SMAD6: variants seen among roughly 807,000 people sequenced by gnomAD.
SMAD6 encodes the protein SMAD family member 6.
SMAD6 carries 103 observed loss-of-function variants against 39.4 expected under a neutral mutation model. The observed-to-expected ratio is 2.62, with a 90% CI of 2.23 to 3.08. The LOEUF is 3.08. SMAD6 is among the 30% of genes most tolerant of loss of function. The pLI, the probability that SMAD6 is intolerant of heterozygous loss-of-function variation, is 0.00. For missense variants in SMAD6, 1,104 were observed against 742.9 expected (o/e 1.49, Z -5.65); for synonymous variants, 445 against 353.3 (o/e 1.26, Z -2.91).
At chr15:66,759,531 A>G (rs761327959) in intron 3 of SMAD6, among the ~76,000 whole-genome samples, 2 of 152,186 alleles carry the variant, frequency 1.3e-5, no homozygotes, top group African/African-American at 2.4e-5. Context: ...GGTCAGTTCC[A>G]TATCTTTGTG....
chr15:66,777,528 A>G (rs192641941), intron 3 of SMAD6, among the ~76,000 whole-genome samples: 3 of 152,376 alleles, frequency 2.0e-5, no homozygotes, highest in African/African-American at 7.2e-5. Flanking sequence ...TGTACATCGC[A>G]GTCCCAGCTA....
At chr15:66,760,053 A>G (rs905854225) in intron 3 of SMAD6, among the ~76,000 whole-genome samples, 1 of 152,040 alleles carries the variant, frequency 6.6e-6, no homozygotes, top group African/African-American at 2.4e-5. Flanking sequence ...GCCTCTGCCC[A>G]TGCCGTTCCC....
At position 66,703,786 on chromosome 15, in the gene SMAD6, G is replaced by A. The variant is rs1315861259; in HGVS notation, c.528G>A (p.Thr176=). 1.0e-5 allele frequency: 15 copies of A among 1,440,580 alleles called. No individual in the cohort carries two copies. Among genetic ancestry groups the A allele is most frequent in the South Asian group, 2.7e-5 (2 of 73,174 alleles). 89.2% of individuals were successfully genotyped at this position (1,440,580 alleles called of 1,614,324 possible). A position where few individuals can be genotyped will look rare whatever the true frequency, so the allele number is the denominator to read the frequency against. The change falls in exon 1 of 4, where the codon ACG becomes ACA. Residue 176 remains threonine (T), a synonymous_variant. Transcript: ENST00000288840. The part of the protein sequence containing the change: ...LLLEQELKTV[T]YSLLKRLKER... ...TGGAGCAGGAACTCAAAACCGTCAC[G>A]TACTCGCTGCTGAAGCGGCTCAAGG...
intron 3 of SMAD6, among the ~76,000 whole-genome samples, chr15:66,737,287 C>T (rs1445314903): frequency 1.3e-5 from 2 of 152,244 alleles, no homozygotes; most frequent in Admixed American, 6.5e-5. Flanking sequence ...ACCCATCTGG[C>T]TGGCTCCTCC....
intron 3 of SMAD6, among the ~76,000 whole-genome samples, chr15:66,780,378 C>G (rs912439405): frequency 1.3e-5 from 2 of 152,094 alleles, no homozygotes; most frequent in East Asian, 3.9e-4. Context: ...CACCCCCAGC[C>G]CGCCTCCCTG....
intron 1 of SMAD6, chr15:66,707,491 T>A (rs1381637204): frequency 6.6e-6 from 1 of 152,282 alleles, no homozygotes; most frequent in African/African-American, 2.4e-5. Context: ...ATGAGATCAA[T>A]TTCAAGTTGG....
At chr15:66,780,544 C>T (rs376998809) in intron 3 of SMAD6, among the ~76,000 whole-genome samples, 2 of 152,176 alleles carry the variant, frequency 1.3e-5, no homozygotes, top group African/African-American at 2.4e-5. Context: ...GCAGAGTGAT[C>T]GTGAGGACCA....
chr15:66,709,119 T>C (rs1022262549), intron 1 of SMAD6, among the ~76,000 whole-genome samples: 14 of 152,236 alleles, frequency 9.2e-5, no homozygotes, highest in African/African-American at 2.9e-4. Context: ...TTTGACACTC[T>C]AAATCCTTGT....
At position 66,765,718 on chromosome 15, in the gene SMAD6, G is replaced by A. The variant is rs1025914293; in HGVS notation, c.953-15279G>A. Among the ~76,000 whole-genome samples, 3 of 152,184 alleles carry A rather than the reference G, an allele frequency of 2.0e-5. No individual in the cohort carries two copies. The South Asian group carries it at 6.2e-4, about 32-fold the overall frequency. ...GTCACATTGTGGCTTTATGATGATG[G>A]GGGCATGCAGGTTGGGTTGGTGCTA... On this transcript the variant is annotated intron_variant, in intron 3 of 3. Coordinates refer to ENST00000288840, the MANE Select transcript of SMAD6 (RefSeq NM_005585.5).
At chr15:66,717,817 C>A (rs1441550706) in intron 3 of SMAD6, among the ~76,000 whole-genome samples, 1 of 152,136 alleles carries the variant, frequency 6.6e-6, no homozygotes, top group Admixed American at 6.5e-5. Context: ...TCCTGAGTGC[C>A]TTCTGGTCTT....
At chr15:66,752,067 TTAA>T (rs2140648828) in intron 3 of SMAD6, among the ~76,000 whole-genome samples, 1 of 149,098 alleles carries the variant, frequency 6.7e-6, no homozygotes, top group Non-Finnish European at 1.5e-5. Context: ...TTTCAGGCAG[TTAA>T]TAATCCAGCT....
chr15:66,719,744 A>G (rs1893398478), intron 3 of SMAD6, among the ~76,000 whole-genome samples: 1 of 152,180 alleles, frequency 6.6e-6, no homozygotes, highest in African/African-American at 2.4e-5. Flanking sequence ...AGGAGGCATG[A>G]GTGGGCAGGG....
intron 3 of SMAD6, among the ~76,000 whole-genome samples, chr15:66,779,777 C>T (rs1402224366): frequency 2.0e-5 from 3 of 152,244 alleles, no homozygotes; most frequent in Admixed American, 6.5e-5. Context: ...TCCAGCAGAA[C>T]GCCTCCCTCT....
intron 3 of SMAD6, among the ~76,000 whole-genome samples, chr15:66,749,644 G>C (rs1893966153): frequency 6.6e-6 from 1 of 152,114 alleles, no homozygotes; most frequent in South Asian, 2.1e-4. Context: ...TGGAGTGGAA[G>C]CTCCAGAGGG....
At chr15:66,727,889 G>A (rs1158985573) in intron 3 of SMAD6, among the ~76,000 whole-genome samples, 1 of 151,580 alleles carries the variant, frequency 6.6e-6, no homozygotes, top group Non-Finnish European at 1.5e-5. Context: ...TGTTGCTCTT[G>A]TTGCCCAGGC....
intron 3 of SMAD6, among the ~76,000 whole-genome samples, chr15:66,774,221 C>T (rs1403264798): frequency 6.6e-6 from 1 of 152,196 alleles, no homozygotes; most frequent in Admixed American, 6.5e-5. Context: ...GAGCATGCAG[C>T]CCACGGGGGA....
chr15:66,728,822 C>T (rs953865821), intron 3 of SMAD6, among the ~76,000 whole-genome samples: 2 of 152,168 alleles, frequency 1.3e-5, no homozygotes, highest in African/African-American at 4.8e-5. Flanking sequence ...TGATGGTTTC[C>T]AGTTATTGAT....
chr15:66,718,890 A>G (rs1595767735), intron 3 of SMAD6, among the ~76,000 whole-genome samples: 1 of 152,192 alleles, frequency 6.6e-6, no homozygotes, highest in African/African-American at 2.4e-5. Flanking sequence ...GTGGGAGGGC[A>G]GGACTGGAGG....
chr15:66,751,444 C>T (rs1405544748), intron 3 of SMAD6, among the ~76,000 whole-genome samples: 3 of 152,208 alleles, frequency 2.0e-5, no homozygotes, highest in African/African-American at 7.2e-5. Context: ...GCTGATAGTG[C>T]ATGCCCTCCC....
Sources: allele counts gnomAD v4.1 joint callset (sites outside exome capture counted in the v4.1 genomes callset), GRCh38; gene constraint gnomAD v4.1.1; transcripts MANE v1.5; gene names NCBI Gene and HGNC (gene_info 2026-07-23, HGNC 2026-07-21).